Variants in LPP observed in about 807,000 individuals in gnomAD.
LPP encodes the protein lipoma-preferred partner.
Under a neutral mutation model 60.4 loss-of-function variants are expected in LPP, and 38 were observed. The ratio of observed to expected loss-of-function variants is 0.63; its 90% CI spans 0.49 to 0.83. The LOEUF (loss-of-function observed/expected upper bound fraction) is 0.83, where lower values mean the gene tolerates loss of function less well. Ranked by LOEUF, LPP falls within the 40% of genes least tolerant of loss-of-function variation. The pLI, the probability that LPP is intolerant of heterozygous loss-of-function variation, is 0.00. For synonymous variants in LPP, 328 were observed against 290.8 expected (o/e 1.13, Z -1.30); for missense variants, 902 against 783.6 (o/e 1.15, Z -1.80).
At chr3:188,622,029 A>T (rs1393447187) in intron 7 of LPP, among the ~76,000 whole-genome samples, 2 of 152,194 alleles carry the variant, frequency 1.3e-5, no homozygotes, top group African/African-American at 4.8e-5. Flanking sequence ...CAGGTGAAAG[A>T]TGAAAGTTTT....
At chr3:188,761,820 C>A (rs752974670) in intron 9 of LPP, among the ~76,000 whole-genome samples, 41 of 152,098 alleles carry the variant, frequency 2.7e-4, no homozygotes, top group Non-Finnish European at 4.9e-4. Context: ...TCTTTGAAAT[C>A]TTTATTGAAA....
At chr3:188,420,219 T>C (rs200106487) in intron 4 of LPP, among the ~76,000 whole-genome samples, 2 of 152,278 alleles carry the variant, frequency 1.3e-5, no homozygotes, top group South Asian at 2.1e-4. Context: ...GCTTGGTGTA[T>C]GTTTGTCCTT....
At chr3:188,388,570 C>T (rs952696824) in intron 3 of LPP, among the ~76,000 whole-genome samples, 1 of 152,008 alleles carries the variant, frequency 6.6e-6, no homozygotes, top group Non-Finnish European at 1.5e-5. Flanking sequence ...AATTAATTGG[C>T]AATAAAAGAA....
intron 6 of LPP, among the ~76,000 whole-genome samples, chr3:188,541,886 A>C (rs1035656224): frequency 6.6e-6 from 1 of 152,184 alleles, no homozygotes; most frequent in Non-Finnish European, 1.5e-5. Context: ...GACAAGAGCG[A>C]AACTCCATCA....
chr3:188,509,611 A>T (rs1349802517), intron 5 of LPP, among the ~76,000 whole-genome samples: 1 of 146,702 alleles, frequency 6.8e-6, no homozygotes, highest in Non-Finnish European at 1.5e-5. Context: ...TCAACTTTTC[A>T]TTTTTTTTTG....
chr3:188,532,422 CTCAA>C (rs145870680), intron 6 of LPP, among the ~76,000 whole-genome samples: 52,087 of 151,406 alleles, frequency 0.34, 9,445 homozygotes, highest in African/African-American at 0.44. Flanking sequence ...AAAACTCTGT[CTCAA>C]TCAATCAATC....
intron 2 of LPP, among the ~76,000 whole-genome samples, chr3:188,261,785 A>G (rs1262881790): frequency 6.6e-6 from 1 of 151,908 alleles, no homozygotes; most frequent in African/African-American, 2.4e-5. Flanking sequence ...GTGGTGGCAC[A>G]TATCTGTAGT....
chr3:188,753,735 A>T (rs1728973182), intron 8 of LPP, among the ~76,000 whole-genome samples: 1 of 151,866 alleles, frequency 6.6e-6, no homozygotes, highest in South Asian at 2.1e-4. Flanking sequence ...TCCTAGTGGC[A>T]GTCATTGATC....
chr3:188,731,737 T>C (rs1381400727), intron 8 of LPP, among the ~76,000 whole-genome samples: 1 of 152,128 alleles, frequency 6.6e-6, no homozygotes. Flanking sequence ...CTGGCCAGGC[T>C]GATCTCGAAC....
chr3:188,203,578 AATATATATATATTTAAATATATAT>A (rs1732203979), intron 1 of LPP, among the ~76,000 whole-genome samples: 7 of 96,204 alleles, frequency 7.3e-5, no homozygotes, highest in Non-Finnish European at 9.8e-5. Context: ...TATATATTTA[AATATATATATATTTAAATATATAT>A]AAATATATAT....
rs58627957 is a variant in LPP at position 188,775,055 on chromosome 3, G to GT, written c.1410+14789dup. On this transcript the variant is annotated intron_variant, in intron 9 of 11. Transcript: ENST00000617246. Reference sequence around the variant, plus strand: ...GTTATATAGAAACTACATGCTTAGTGTTTTTTTTTTTTTTTTAGACAGAGT... The same window carrying GT: ...GTTATATAGAAACTACATGCTTAGTGTTTTTTTTTTTTTTTTTAGACAGAGT... Among the ~76,000 whole-genome samples the GT allele has an allele frequency of 8.8e-3, 1,200 of 136,652 alleles. 17 individuals are homozygous for GT. Among genetic ancestry groups the GT allele is most frequent in the Non-Finnish European group, 8.4e-3 (537 of 63,788 alleles). The allele number at this position is 136,652 out of a possible 152,430, so 89.6% of individuals were successfully genotyped here. A position where few individuals can be genotyped will look rare whatever the true frequency, so the allele number is the denominator to read the frequency against.
At chr3:188,361,856 C>T (rs533894437) in intron 3 of LPP, among the ~76,000 whole-genome samples, 2 of 152,320 alleles carry the variant, frequency 1.3e-5, no homozygotes, top group South Asian at 2.1e-4. Flanking sequence ...GCGTGAGCCA[C>T]TGTGCCTAGC....
chr3:188,475,802 C>T (rs1421807241), intron 4 of LPP, among the ~76,000 whole-genome samples: 1 of 152,156 alleles, frequency 6.6e-6, no homozygotes, highest in Non-Finnish European at 1.5e-5. Context: ...ACTCGGGAGG[C>T]TGAGGCAGGA....
At position 188,203,476 on chromosome 3, in the gene LPP, T is replaced by TATATATAA. The variant is rs1553811079; in HGVS notation, c.-189-21922_-189-21921insAATATATA. Among the ~76,000 whole-genome samples, 90 of 90,564 alleles carry TATATATAA rather than the reference T, an allele frequency of 9.9e-4. 2 individuals carry two copies. Among genetic ancestry groups the TATATATAA allele is most frequent in the African/African-American group, 3.9e-3 (86 of 21,884 alleles). 59.4% of individuals were successfully genotyped at this position (90,564 alleles called of 152,430 possible). On this transcript the variant is annotated intron_variant, in intron 1 of 11. Coordinates refer to ENST00000617246, the MANE Select transcript of LPP (RefSeq NM_001375462.1). ...ATATATAAATATATATATTTTTAAA[T>TATATATAA]ATATATATATTTTTAAATATATATA...
At position 188,881,609 on chromosome 3, in the gene LPP, A is replaced by T. The variant is rs1256393317; in HGVS notation, c.*7130A>T. The T allele has an allele frequency of 4.5e-6, 1 of 220,086 alleles. No homozygotes were observed. Among genetic ancestry groups the T allele is most frequent in the Non-Finnish European group, 9.1e-6 (1 of 109,736 alleles). 13.6% of individuals were successfully genotyped at this position (220,086 alleles called of 1,614,324 possible). ...GGATAGAACTCCCATGTCTACAGAC[A>T]GTTCTGTTACTTTTTGTTCTGTACT... On this transcript the variant is annotated 3_prime_UTR_variant, in exon 12 of 12. Transcript: ENST00000617246.
chr3:188,534,568 T>C (rs1427705735), intron 6 of LPP, among the ~76,000 whole-genome samples: 1 of 152,214 alleles, frequency 6.6e-6, no homozygotes, highest in Admixed American at 6.5e-5. Flanking sequence ...TTTTCTTTTC[T>C]GATTTAAAAA....
intron 1 of LPP, among the ~76,000 whole-genome samples, chr3:188,187,710 A>G (rs2148965110): frequency 6.6e-6 from 1 of 151,974 alleles, no homozygotes; most frequent in South Asian, 2.1e-4. Flanking sequence ...AAAGTTTCTA[A>G]TTGCTTCCTT....
chr3:188,199,810 G>A (rs1428826974), intron 1 of LPP, among the ~76,000 whole-genome samples: 1 of 151,792 alleles, frequency 6.6e-6, no homozygotes. Flanking sequence ...CCCCTCCCAG[G>A]TTCAAGACAT....
chr3:188,689,343 A>T (rs2149452593), intron 7 of LPP, among the ~76,000 whole-genome samples: 1 of 152,338 alleles, frequency 6.6e-6, no homozygotes, highest in South Asian at 2.1e-4. Flanking sequence ...GAAAATGATG[A>T]AATTTCCTTT....
Sources: allele counts gnomAD v4.1 joint callset (sites outside exome capture counted in the v4.1 genomes callset), GRCh38; gene constraint gnomAD v4.1.1; transcripts MANE v1.5; gene names NCBI Gene and HGNC (gene_info 2026-07-23, HGNC 2026-07-21).